Variants in CHCHD6 observed in about 807,000 individuals in gnomAD.
CHCHD6 encodes coiled-coil-helix-coiled-coil-helix domain containing 6.
In CHCHD6, 28 loss-of-function variants were observed where a neutral mutation model predicts 32.3. The observed-to-expected ratio is 0.87, with a 90% confidence interval of 0.64 to 1.19. The LOEUF (loss-of-function observed/expected upper bound fraction) is 1.19. Ranked by LOEUF, CHCHD6 falls within the 50% of genes most tolerant of loss-of-function variation. The probability of loss-of-function intolerance (pLI) is 0.00; values close to 1 mark genes in which losing one functional copy is unlikely to be tolerated. For missense variants in CHCHD6, 333 were observed against 307.0 expected, an observed-to-expected ratio of 1.08 and a Z score of -0.63; for synonymous variants, 122 against 117.5, an observed-to-expected ratio of 1.04 and a Z score of -0.25.
intron 4 of CHCHD6, among the ~76,000 whole-genome samples, chr3:126,847,549 A>C (rs895804270): frequency 6.6e-6 from 1 of 152,184 alleles, no homozygotes; most frequent in African/African-American, 2.4e-5. Flanking sequence ...GCCATATTCT[A>C]TTTATTAATA....
intron 4 of CHCHD6, among the ~76,000 whole-genome samples, chr3:126,839,691 G>A (rs1256042568): frequency 2.0e-5 from 3 of 151,898 alleles, no homozygotes; most frequent in Non-Finnish European, 4.4e-5. Flanking sequence ...TTACTGCATC[G>A]GCTCTCTCAC....
intron 4 of CHCHD6, among the ~76,000 whole-genome samples, chr3:126,768,000 A>G (rs897689850): frequency 1.3e-5 from 2 of 152,130 alleles, no homozygotes; most frequent in Non-Finnish European, 2.9e-5. Flanking sequence ...TGTACCATGG[A>G]TGAGTATTTA....
At chr3:126,866,673 T>G (rs1942298886) in intron 5 of CHCHD6, among the ~76,000 whole-genome samples, 1 of 152,226 alleles carries the variant, frequency 6.6e-6, no homozygotes, top group African/African-American at 2.4e-5. Flanking sequence ...ACAATGATCT[T>G]TACCCTAAGT....
At chr3:126,864,862 T>A (rs1353412568) in intron 5 of CHCHD6, among the ~76,000 whole-genome samples, 2 of 125,774 alleles carry the variant, frequency 1.6e-5, no homozygotes, top group Admixed American at 7.8e-5. Flanking sequence ...CTCTTCCTCC[T>A]CCACCATCAT....
intron 4 of CHCHD6, among the ~76,000 whole-genome samples, chr3:126,800,257 T>C (rs1368939661): frequency 6.6e-6 from 1 of 152,164 alleles, no homozygotes; most frequent in African/African-American, 2.4e-5. Flanking sequence ...GAAGGCATAT[T>C]GAACATACCA....
At position 126,957,591 on chromosome 3, in the gene CHCHD6, G is replaced by A. The variant is rs775978377; in HGVS notation, c.702+40G>A. On this transcript the variant is annotated intron_variant, in intron 7 of 7. Coordinates refer to ENST00000290913, the MANE Select transcript of CHCHD6 (RefSeq NM_032343.3). The stretch of plus-strand genomic sequence containing the variant: ...GCCTCCCAGGTTTCCAAGGGCCTTG[G>A]GAGGTAGGCGAGGTACCTCTATCTA... 28 of 1,548,536 alleles carry A rather than the reference G, an allele frequency of 1.8e-5. No individual in the cohort carries two copies. The South Asian group carries it at 2.5e-4, about 14-fold the overall frequency.
At chr3:126,912,963 G>A (rs906116446) in intron 5 of CHCHD6, among the ~76,000 whole-genome samples, 16 of 9,338 alleles carry the variant, frequency 1.7e-3, no homozygotes, top group Non-Finnish European at 6.6e-3. Flanking sequence ...TTCCCTGGGT[G>A]GCTCTGTGCA....
rs1157910763 is a variant in CHCHD6 at position 126,714,076 on chromosome 3, C to CAAAAA, written c.87+9700_87+9704dup. ...TGGGCGACAGAGCCAGACTGCATCTCAAAAAAAAAAAAAAAAAAAAAAAAA... is the reference window on the plus strand; with the variant it reads ...TGGGCGACAGAGCCAGACTGCATCTCAAAAAAAAAAAAAAAAAAAAAAAAAAAAAA... On this transcript the variant is annotated intron_variant, in intron 1 of 7. Transcript: ENST00000290913. Among the ~76,000 whole-genome samples, 19 of 28,874 alleles carry CAAAAA rather than the reference C, an allele frequency of 6.6e-4. 2 individuals are homozygous for CAAAAA. The highest frequency in any genetic ancestry group is 2.3e-3 in the African/African-American group (19 of 8,140). 18.9% of individuals were successfully genotyped at this position (28,874 alleles called of 152,430 possible). A position where few individuals can be genotyped will look rare whatever the true frequency, so the allele number is the denominator to read the frequency against.
intron 4 of CHCHD6, among the ~76,000 whole-genome samples, chr3:126,810,116 A>G (rs926973480): frequency 9.8e-5 from 15 of 152,316 alleles, no homozygotes; most frequent in South Asian, 4.1e-4. Context: ...CAATGGATCA[A>G]TGTCTTTAAA....
intron 6 of CHCHD6, among the ~76,000 whole-genome samples, chr3:126,940,159 G>A (rs2078538492): frequency 6.6e-6 from 1 of 152,170 alleles, no homozygotes; most frequent in Non-Finnish European, 1.5e-5. Context: ...CATGAATATT[G>A]TAAAAGGAAA....
At chr3:126,780,916 G>A (rs1937905139) in intron 4 of CHCHD6, among the ~76,000 whole-genome samples, 1 of 152,144 alleles carries the variant, frequency 6.6e-6, no homozygotes, top group Non-Finnish European at 1.5e-5. Context: ...CAGTTCTGTG[G>A]CCTTTTCCCT....
intron 6 of CHCHD6, chr3:126,952,911 CA>C: frequency 1.0e-6 from 1 of 955,290 alleles, no homozygotes; most frequent in Non-Finnish European, 1.2e-6. Flanking sequence ...GCCTGCTTGC[CA>C]GGGACCAGGA....
chr3:126,833,284 G>A (rs1047646735), intron 4 of CHCHD6, among the ~76,000 whole-genome samples: 1 of 152,174 alleles, frequency 6.6e-6, no homozygotes, highest in African/African-American at 2.4e-5. Flanking sequence ...CATATACTGT[G>A]ACTGGCTCCA....
intron 4 of CHCHD6, among the ~76,000 whole-genome samples, chr3:126,844,876 T>G (rs555460392): frequency 2.0e-5 from 3 of 152,094 alleles, no homozygotes; most frequent in Non-Finnish European, 4.4e-5. Flanking sequence ...GAAGATATGA[T>G]AAGGGTAGCA....
At chr3:126,715,968 T>A (rs1934995755) in intron 1 of CHCHD6, among the ~76,000 whole-genome samples, 1 of 152,216 alleles carries the variant, frequency 6.6e-6, no homozygotes, top group Non-Finnish European at 1.5e-5. Context: ...TTGGCGTCTT[T>A]TGTAACCATC....
intron 4 of CHCHD6, among the ~76,000 whole-genome samples, chr3:126,753,349 C>A (rs1936809993): frequency 6.6e-6 from 1 of 152,220 alleles, no homozygotes; most frequent in African/African-American, 2.4e-5. Context: ...GCAGCAGGAG[C>A]TGTGCCGTCC....
At position 126,839,091 on chromosome 3, in the gene CHCHD6, C is replaced by T. The variant is rs185672548; in HGVS notation, c.412-13556C>T. The stretch of plus-strand genomic sequence containing the variant: ...TAATAGTAGAGATAAGGTCTCACTA[C>T]ATTGCCTGAGCTGGTCTTGAACTCC... On this transcript the variant is annotated intron_variant, in intron 4 of 7. Coordinates refer to ENST00000290913, the MANE Select transcript of CHCHD6 (RefSeq NM_032343.3). Among the ~76,000 whole-genome samples, 59 of 152,100 alleles carry T rather than the reference C, an allele frequency of 3.9e-4. No homozygotes were observed. In the East Asian group the frequency reaches 0.011, roughly 28 times the overall value.
At chr3:126,853,036 G>A (rs1375820200) in intron 5 of CHCHD6, among the ~76,000 whole-genome samples, 1 of 152,062 alleles carries the variant, frequency 6.6e-6, no homozygotes, top group Non-Finnish European at 1.5e-5. Context: ...ACCACAGGGC[G>A]GTGCTGAGTC....
At chr3:126,880,658 G>A (rs1264584343) in intron 5 of CHCHD6, among the ~76,000 whole-genome samples, 2 of 150,392 alleles carry the variant, frequency 1.3e-5, no homozygotes, top group Non-Finnish European at 2.9e-5. Context: ...ACAAATTCTA[G>A]GCTTAGAGAA....
Sources: allele counts gnomAD v4.1 joint callset (sites outside exome capture counted in the v4.1 genomes callset), GRCh38; gene constraint gnomAD v4.1.1; transcripts MANE v1.5; gene names NCBI Gene and HGNC (gene_info 2026-07-23, HGNC 2026-07-21).